GYPB: variants seen among roughly 807,000 people sequenced by gnomAD.
GYPB encodes glycophorin-B.
A neutral mutation model predicts 15.3 loss-of-function variants in GYPB; 13 were observed. The ratio of observed to expected loss-of-function variants is 0.85; its 90% CI spans 0.55 to 1.35. The LOEUF (loss-of-function observed/expected upper bound fraction) is 1.35. Among genes scored for constraint, GYPB ranks in the 40% most tolerant of loss-of-function variants. The pLI, the probability that GYPB is intolerant of heterozygous loss-of-function variation, is 0.00. For synonymous variants in GYPB, 38 were observed against 36.9 expected, an observed-to-expected ratio of 1.03 and a Z score of -0.11; for missense variants, 131 against 108.3, an observed-to-expected ratio of 1.21 and a Z score of -0.93.
intron 1 of GYPB, among the ~76,000 whole-genome samples, chr4:144,013,107 G>T (rs1728303184): frequency 6.6e-6 from 1 of 151,468 alleles, no homozygotes; most frequent in Non-Finnish European, 1.5e-5. Context: ...GCAACAGAAA[G>T]ACAAAAATAA....
intron 1 of GYPB, chr4:144,002,425 T>A (rs1175593774): frequency 3.1e-6 from 1 of 323,708 alleles, no homozygotes; most frequent in Non-Finnish European, 5.8e-6. Context: ...ATGAGAAGAT[T>A]TTTATGACTG....
At chr4:144,014,438 A>G (rs996025138) in intron 1 of GYPB, among the ~76,000 whole-genome samples, 2 of 151,822 alleles carry the variant, frequency 1.3e-5, no homozygotes, top group Non-Finnish European at 2.9e-5. Context: ...ATATACCAAC[A>G]CAATGGAATA....
At position 143,996,106 on chromosome 4, in the gene GYPB, C is replaced by T. The variant is rs371631493; in HGVS notation, c.*193G>A. 1.4e-4 allele frequency: 190 copies of T among 1,382,510 alleles called. No homozygotes were observed. Among genetic ancestry groups the T allele is most frequent in the Middle Eastern group, 2.6e-4 (1 of 3,774 alleles). 85.6% of individuals were successfully genotyped at this position (1,382,510 alleles called of 1,614,324 possible). On this transcript the variant is annotated 3_prime_UTR_variant, in exon 5 of 5. Transcript: ENST00000502664. ...AAATCATGACTATAATACATGAAAA[C>T]GGTTTGTATTTTGTTTTATTTTTAT...
At chr4:144,017,444 A>C (rs1467235290) in intron 1 of GYPB, among the ~76,000 whole-genome samples, 8 of 151,114 alleles carry the variant, frequency 5.3e-5, no homozygotes, top group Admixed American at 3.3e-4. Flanking sequence ...CTGTTATACT[A>C]TAAAGTGGCC....
chr4:144,014,941 C>T (rs1400531978), intron 1 of GYPB, among the ~76,000 whole-genome samples: 1 of 151,258 alleles, frequency 6.6e-6, no homozygotes, highest in Admixed American at 6.6e-5. Flanking sequence ...GATGGAAATA[C>T]CAAAGTTGAT....
Position 143,997,055 on chromosome 4 carries a change from C to T in GYPB, c.270+485G>A, listed in dbSNP as rs1472396438. On this transcript the variant is annotated intron_variant, in intron 4 of 4. Coordinates refer to ENST00000502664, the MANE Select transcript of GYPB (RefSeq NM_002100.6). ...CTGAATAGCTGATACTACACATGTG[C>T]ACCACCAAGCCTTTCTAATTTTCAT... Among the ~76,000 whole-genome samples, 8 of 151,052 alleles carry T rather than the reference C, an allele frequency of 5.3e-5. 1 individual carries two copies. Among genetic ancestry groups the T allele is most frequent in the African/African-American group, 7.4e-5 (3 of 40,504 alleles).
chr4:144,002,726 T>C (rs1439930726), intron 1 of GYPB: 19 of 1,279,966 alleles, frequency 1.5e-5, no homozygotes, highest in Non-Finnish European at 1.9e-5. Flanking sequence ...GAAAACATCT[T>C]CTCTGACACC....
chr4:144,012,112 G>A (rs1728249300), intron 1 of GYPB, among the ~76,000 whole-genome samples: 1 of 151,846 alleles, frequency 6.6e-6, no homozygotes, highest in Admixed American at 6.5e-5. Context: ...CAGCCACACA[G>A]TTAGAGTTCC....
chr4:144,009,906 C>A (rs1265115066), intron 1 of GYPB, among the ~76,000 whole-genome samples: 1 of 150,288 alleles, frequency 6.7e-6, no homozygotes, highest in Non-Finnish European at 1.5e-5. Flanking sequence ...GACCACTGTA[C>A]CCGGCCTATT....
intron 1 of GYPB, among the ~76,000 whole-genome samples, chr4:144,013,261 A>G (rs1191131020): frequency 6.6e-6 from 1 of 151,070 alleles, no homozygotes; most frequent in African/African-American, 2.5e-5. Flanking sequence ...TTAAAAAGTC[A>G]GGAAACAACA....
Position 143,997,586 on chromosome 4 carries a change from A to G in GYPB, c.224T>C (p.Ile75Thr), listed in dbSNP as rs1727391136. The G allele has an allele frequency of 1.2e-6, 2 of 1,600,854 alleles. No individual in the cohort carries two copies. Among genetic ancestry groups the G allele is most frequent in the Non-Finnish European group, 1.7e-6 (2 of 1,170,166 alleles). Residue 75 changes from isoleucine (I) to threonine (T), a missense_variant, in exon 4 of 5, where the codon ATT (isoleucine) becomes ACT (threonine). Transcript: ENST00000502664. ...LIILCVMAGI[I>T]GTILLISYSI... ...GTAAGAAATTAAGAGGATCGTTCCA[A>G]TAATACCAGCCATCACACACAAAAT...
Position 144,019,371 on chromosome 4 carries a change from A to T in GYPB, c.-84T>A, listed in dbSNP as rs3967038. 2.4e-5 allele frequency: 38 copies of T among 1,608,562 alleles called. No individual in the cohort carries two copies. In the South Asian group the frequency reaches 3.4e-4, roughly 14 times the overall value. ...AAGTGTCAGTGTCTGGCCTTAGCCT[A>T]CTAGCTGTTATCTTCCAGGCCCACC... On this transcript the variant is annotated 5_prime_UTR_variant, in exon 1 of 5. Transcript: ENST00000502664.
At chr4:143,999,776 T>C (rs943157688) in intron 2 of GYPB, among the ~76,000 whole-genome samples, 27 of 151,352 alleles carry the variant, frequency 1.8e-4, no homozygotes, top group African/African-American at 6.4e-4. Context: ...TTTTAAAACA[T>C]GTAAAAAATA....
rs573052051 is a variant in GYPB, at chr4:144,015,781, G to C, written c.37+3470C>G. ...ATTTACAGGTTTGGCAGCTAGTCCA[G>C]CTCATCTCAGGCTGAATTTTGGGGA... On this transcript the variant is annotated intron_variant, in intron 1 of 4. Transcript: ENST00000502664. 1.0e-3 allele frequency among the ~76,000 whole-genome samples: 154 copies of C among 151,330 alleles called. 6 individuals carry two copies. The highest frequency in any genetic ancestry group is 3.5e-3 in the African/African-American group (144 of 40,718).
At chr4:144,015,612 C>A (rs186959847) in intron 1 of GYPB, among the ~76,000 whole-genome samples, 1 of 151,326 alleles carries the variant, frequency 6.6e-6, no homozygotes, top group Admixed American at 6.6e-5. Context: ...GAATGTGAAG[C>A]TAAATTTCCT....
chr4:143,998,541 C>T (rs1296684912), intron 3 of GYPB, among the ~76,000 whole-genome samples: 3 of 144,696 alleles, frequency 2.1e-5, no homozygotes, highest in African/African-American at 5.4e-5. Flanking sequence ...GCCATGGACA[C>T]GGCCAAGTGT....
rs1414843271 is a variant in GYPB, at chr4:144,003,262, G to A, written c.38-1979C>T. ...GGTTTGAAGCAGTTTTTTATTTAGG[G>A]AAAATCACTGTCAGTAGTATGGAGG... On this transcript the variant is annotated intron_variant, in intron 1 of 4. Coordinates refer to ENST00000502664, the MANE Select transcript of GYPB (RefSeq NM_002100.6). 1.6e-4 allele frequency among the ~76,000 whole-genome samples: 24 copies of A among 151,270 alleles called. 2 individuals carry two copies. Among genetic ancestry groups the A allele is most frequent in the African/African-American group, 5.4e-4 (22 of 40,620 alleles).
intron 1 of GYPB, among the ~76,000 whole-genome samples, chr4:144,010,640 G>C (rs1307557146): frequency 6.6e-6 from 1 of 151,178 alleles, no homozygotes; most frequent in Non-Finnish European, 1.5e-5. Flanking sequence ...ATTATGTTTT[G>C]AGCCTGATGA....
At position 144,005,740 on chromosome 4, in the gene GYPB, C is replaced by T. The variant is rs879183812; in HGVS notation, c.38-4457G>A. Among the ~76,000 whole-genome samples, 122 of 151,850 alleles carry T rather than the reference C, an allele frequency of 8.0e-4. 1 individual carries two copies. The highest frequency in any genetic ancestry group is 6.5e-3 in the Admixed American group (99 of 15,292). On this transcript the variant is annotated intron_variant, in intron 1 of 4. Transcript: ENST00000502664. Reference sequence around the variant, plus strand: ...CAGCATCTGGCTACCCAGGAATAGACAGACCTTGTGCCAACACTGCACATT... The same window carrying T: ...CAGCATCTGGCTACCCAGGAATAGATAGACCTTGTGCCAACACTGCACATT...
Sources: allele counts gnomAD v4.1 joint callset (sites outside exome capture counted in the v4.1 genomes callset), GRCh38; gene constraint gnomAD v4.1.1; transcripts MANE v1.5; gene names NCBI Gene and HGNC (gene_info 2026-07-23, HGNC 2026-07-21).